ECH1: variants seen among roughly 807,000 people sequenced by gnomAD.
ECH1 encodes the protein delta(3,5)-Delta(2,4)-dienoyl-CoA isomerase, mitochondrial.
ECH1 carries 30 observed loss-of-function variants against 37.0 expected under a neutral mutation model. The ratio of observed to expected loss-of-function variants is 0.81; its 90% CI spans 0.61 to 1.10. ECH1 has a LOEUF of 1.10. Among genes scored for constraint, ECH1 ranks in the 50% least tolerant of loss-of-function variants. The pLI is 0.00. For synonymous variants in ECH1, 178 were observed against 176.0 expected (o/e 1.01, Z -0.09); for missense variants, 456 against 441.6 (o/e 1.03, Z -0.29).
At chr19:38,820,052 A>AAATT in intron 3 of ECH1, 6 of 215,288 alleles carry the variant, frequency 2.8e-5, no homozygotes, top group Non-Finnish European at 3.7e-5. Flanking sequence ...AGTCCCCCTT[A>AAATT]CTTTTTTTTT....
rs971023675 is a variant in ECH1 at position 38,831,333 on chromosome 19, T to C, written c.236A>G (p.Asn79Ser). ...HVQLNRPNKR[N>S]AMNKVFWREM... ...CCTCCAGAAGACCTTGTTCATGGCA[T>C]TCCTCTTGTTGGGCCGGTTGAGCTG... Residue 79 changes from asparagine to serine, a missense_variant, in exon 2 of 10, where the codon AAT (asparagine) becomes AGT (serine). By Grantham distance (46) the Asn-to-Ser change is conservative (BLOSUM62 1). Coordinates refer to ENST00000221418, the MANE Select transcript of ECH1 (RefSeq NM_001398.3). The C allele has an allele frequency of 1.2e-6, 2 of 1,612,650 alleles. No homozygotes were observed. The highest frequency in any genetic ancestry group is 1.7e-6 in the Non-Finnish European group (2 of 1,179,068).
At chr19:38,820,716 G>A (rs73930203) in intron 3 of ECH1, among the ~76,000 whole-genome samples, 2,244 of 152,180 alleles carry the variant, frequency 0.015, 45 homozygotes, top group African/African-American at 0.052. Flanking sequence ...TCTGGCCTTC[G>A]GGGTCTTGCT....
chr19:38,829,842 C>T (rs1265745782), intron 3 of ECH1, among the ~76,000 whole-genome samples: 3 of 151,458 alleles, frequency 2.0e-5, no homozygotes, highest in Non-Finnish European at 2.9e-5. Flanking sequence ...AAGAAAACTA[C>T]AATATCTGAA....
intron 3 of ECH1, chr19:38,818,215 C>A: frequency 1.0e-6 from 1 of 985,308 alleles, no homozygotes; most frequent in Non-Finnish European, 1.2e-6. Flanking sequence ...CATGCTTTTC[C>A]CCAAGATGCC....
chr19:38,823,824 C>A (rs1378834807), intron 3 of ECH1, among the ~76,000 whole-genome samples: 1 of 152,220 alleles, frequency 6.6e-6, no homozygotes, highest in Non-Finnish European at 1.5e-5. Context: ...TCTCACCTCT[C>A]TTCTCCGAGT....
intron 6 of ECH1, among the ~76,000 whole-genome samples, 160 bp from the exon 7 acceptor site, chr19:38,816,683 C>T (rs1971582139): frequency 6.6e-6 from 1 of 152,166 alleles, no homozygotes; most frequent in Admixed American, 6.5e-5. Flanking sequence ...AGCTTCTTGA[C>T]TCAGGCAAGT....
intron 3 of ECH1, among the ~76,000 whole-genome samples, chr19:38,826,060 C>T (rs1353781052): frequency 1.3e-5 from 2 of 152,172 alleles, no homozygotes; most frequent in East Asian, 1.9e-4. Context: ...TGTTACCATC[C>T]GATGAATCCT....
chr19:38,821,749 A>T (rs928047392), intron 3 of ECH1, among the ~76,000 whole-genome samples: 11 of 152,084 alleles, frequency 7.2e-5, no homozygotes, highest in African/African-American at 2.2e-4. Context: ...AGGGCTTGGG[A>T]CCTGCAGCCT....
intron 3 of ECH1, among the ~76,000 whole-genome samples, chr19:38,828,615 T>C (rs887649412): frequency 3.3e-5 from 5 of 150,190 alleles, no homozygotes; most frequent in African/African-American, 1.2e-4. Context: ...GAGTTTTTGT[T>C]TTGTTTTTAT....
In ECH1 at chr19:38,815,682, G is replaced by T. The variant is rs1971561905; in HGVS notation, c.918C>A (p.Asp306Glu). 1 of 1,614,218 alleles carries T rather than the reference G, an allele frequency of 6.2e-7. No individual in the cohort carries two copies. The highest frequency in any genetic ancestry group is 1.1e-5 in the South Asian group (1 of 91,088). Residue 306 changes from aspartate (D) to glutamate (E), a missense_variant, in exon 10 of 10, where the codon GAC becomes GAA. By Grantham distance (45) the Asp-to-Glu change is conservative. Transcript: ENST00000221418. ...TCGTGGCCTGGACCGACTTCACGAG[G>T]TCTTGGGTCTGCAGCATGCTCATGT... ...SWNMSMLQTQ[D>E]LVKSVQATTE...
chr19:38,819,969 A>G (rs1383243975), intron 3 of ECH1, among the ~76,000 whole-genome samples: 7 of 151,998 alleles, frequency 4.6e-5, no homozygotes, highest in African/African-American at 1.2e-4. Context: ...AAAAATAAAA[A>G]GAAAAGAAAA....
At chr19:38,824,408 A>C (rs1449381959) in intron 3 of ECH1, among the ~76,000 whole-genome samples, 1 of 152,198 alleles carries the variant, frequency 6.6e-6, no homozygotes, top group Non-Finnish European at 1.5e-5. Flanking sequence ...GAAACAAAAC[A>C]AACCAAAACC....
intron 8 of ECH1, 24 bp from the exon 9 acceptor site, chr19:38,816,031 C>A: frequency 6.2e-7 from 1 of 1,607,802 alleles, no homozygotes; most frequent in Non-Finnish European, 8.5e-7. Flanking sequence ...GATCAGGGAC[C>A]GGGTGGGCTG....
intron 3 of ECH1, among the ~76,000 whole-genome samples, chr19:38,828,910 C>T (rs1001046589): frequency 2.6e-5 from 4 of 151,632 alleles, no homozygotes; most frequent in African/African-American, 9.7e-5. Context: ...CGTGAGCCAC[C>T]ACACCTGGCC....
intron 3 of ECH1, among the ~76,000 whole-genome samples, chr19:38,830,307 T>C (rs1331833454): frequency 6.6e-6 from 1 of 152,122 alleles, no homozygotes; most frequent in African/African-American, 2.4e-5. Context: ...AATTAGTGAG[T>C]TGAATAGTTG....
At chr19:38,830,646 T>A in intron 3 of ECH1, among the ~76,000 whole-genome samples, 1 of 136,892 alleles carries the variant, frequency 7.3e-6, no homozygotes, top group African/African-American at 2.9e-5. Context: ...AAAGATATTG[T>A]CTCCAAAAAA....
In ECH1 at chr19:38,831,437, T is replaced by C; in HGVS notation, c.132A>G (p.Gly44=). 1.2e-6 allele frequency: 2 copies of C among 1,614,054 alleles called. No homozygotes were observed. The highest frequency in any genetic ancestry group is 1.7e-6 in the Non-Finnish European group (2 of 1,180,014). ...GGTCTGGGGCTTCACCGAGGGCTAC[T>C]CCGGAAGCCTCCTCTTGTGCAGAGG... ...TGSSAQEEAS[G]VALGEAPDHS... Residue 44 remains glycine, a synonymous_variant, in exon 2 of 10, where the codon GGA becomes GGG. Coordinates refer to ENST00000221418, the MANE Select transcript of ECH1 (RefSeq NM_001398.3).
intron 3 of ECH1, among the ~76,000 whole-genome samples, chr19:38,828,559 G>T (rs1035404294): frequency 6.6e-6 from 1 of 151,658 alleles, no homozygotes; most frequent in Non-Finnish European, 1.5e-5. Flanking sequence ...AAGATGATAA[G>T]GAGACTGACC....
chr19:38,829,088 C>A (rs1030306494), intron 3 of ECH1, among the ~76,000 whole-genome samples: 3 of 150,534 alleles, frequency 2.0e-5, no homozygotes, highest in Non-Finnish European at 4.4e-5. Flanking sequence ...AGTTCAAGAC[C>A]CGCCTGGCCA....
Sources: gnomAD v4.1 joint callset for allele counts (sites outside exome capture counted in the v4.1 genomes callset) on GRCh38, gnomAD v4.1.1 for gene constraint, MANE v1.5 for transcripts, NCBI Gene and HGNC (gene_info 2026-07-23, HGNC 2026-07-21) for gene names.